OCA2: variants seen among roughly 807,000 people sequenced by gnomAD.
OCA2 encodes P protein.
OCA2 carries 77 observed loss-of-function variants against 100.2 expected under a neutral mutation model. That is an observed-to-expected ratio of 0.77 (90% confidence interval 0.64 to 0.93). OCA2 has a LOEUF of 0.93. Ranked by LOEUF, OCA2 falls within the 40% of genes least tolerant of loss-of-function variation. The pLI, the probability that OCA2 is intolerant of heterozygous loss-of-function variation, is 0.00. For missense variants in OCA2, 1,062 were observed against 1,089.1 expected (o/e 0.98, Z 0.35); for synonymous variants, 432 against 439.2 (o/e 0.98, Z 0.21).
At chr15:28,045,859 G>A (rs1000687435) in intron 2 of OCA2, among the ~76,000 whole-genome samples, 4 of 152,164 alleles carry the variant, frequency 2.6e-5, no homozygotes, top group Non-Finnish European at 4.4e-5. Context: ...TCACTCTTAA[G>A]ACACCTAAAA....
chr15:27,832,905 C>T (rs1320453146), intron 23 of OCA2, among the ~76,000 whole-genome samples: 1 of 145,068 alleles, frequency 6.9e-6, no homozygotes, highest in Non-Finnish European at 1.5e-5. Context: ...CTCTGTTTCC[C>T]GGGTTCAAGT....
At chr15:28,090,518 C>G (rs1282062762) in intron 1 of OCA2, among the ~76,000 whole-genome samples, 1 of 151,986 alleles carries the variant, frequency 6.6e-6, no homozygotes, top group Non-Finnish European at 1.5e-5. Flanking sequence ...ACAATGCAAT[C>G]GAATCAGAAA....
At chr15:27,812,827 A>G (rs1020693290) in intron 23 of OCA2, among the ~76,000 whole-genome samples, 3 of 152,132 alleles carry the variant, frequency 2.0e-5, no homozygotes, top group African/African-American at 7.2e-5. Flanking sequence ...TGTTTCATTG[A>G]CTAGAAGTAA....
intron 23 of OCA2, among the ~76,000 whole-genome samples, chr15:27,834,251 A>G (rs1196506184): frequency 6.6e-6 from 1 of 152,192 alleles, no homozygotes; most frequent in African/African-American, 2.4e-5. Context: ...CAAACCCCCT[A>G]AGCAGTGGAG....
chr15:28,018,301 T>C, intron 7 of OCA2, 96 bp downstream of exon 7: 1 of 1,200,658 alleles, frequency 8.3e-7, no homozygotes, highest in Non-Finnish European at 1.2e-6. Context: ...TGTCCTCGCC[T>C]GTGGCTCCCC....
At chr15:28,055,057 A>C (rs1020638771) in intron 2 of OCA2, among the ~76,000 whole-genome samples, 7 of 152,318 alleles carry the variant, frequency 4.6e-5, no homozygotes, top group African/African-American at 9.6e-5. Flanking sequence ...TTACAATTCA[A>C]GGTGAGATTT....
intron 23 of OCA2, among the ~76,000 whole-genome samples, chr15:27,758,532 G>C (rs368047313): frequency 6.6e-6 from 1 of 152,148 alleles, no homozygotes; most frequent in Non-Finnish European, 1.5e-5. Flanking sequence ...TACAGATGTC[G>C]AAATTATCTG....
chr15:28,022,610 G>A, intron 5 of OCA2, 37 bp from the exon 6 acceptor site: 2 of 1,462,854 alleles, frequency 1.4e-6, no homozygotes, highest in Non-Finnish European at 1.9e-6. Flanking sequence ...CAGAGGTGTG[G>A]TATGAGAGCA....
the OCA2 span, among the ~76,000 whole-genome samples, chr15:27,728,141 AGGG>A: frequency 6.6e-6 from 1 of 152,218 alleles, no homozygotes; most frequent in Non-Finnish European, 1.5e-5. Context: ...AAATCAGGCA[AGGG>A]TAGGACTCTG....
At chr15:28,015,982 T>C (rs987417792) in intron 8 of OCA2, 122 bp downstream of exon 8, 3 of 769,284 alleles carry the variant, frequency 3.9e-6, no homozygotes, top group Non-Finnish European at 7.0e-6. Context: ...ATGAGTGCCG[T>C]GTCCAAGTCA....
At chr15:27,720,722 G>A in the OCA2 span, among the ~76,000 whole-genome samples, 1 of 152,076 alleles carries the variant, frequency 6.6e-6, no homozygotes, top group Non-Finnish European at 1.5e-5. Flanking sequence ...CTATCTTGAC[G>A]ATGGTGACAT....
At chr15:28,069,537 C>T (rs1238892494) in intron 2 of OCA2, among the ~76,000 whole-genome samples, 3 of 137,960 alleles carry the variant, frequency 2.2e-5, no homozygotes, top group African/African-American at 5.9e-5. Context: ...CTCAGTCTGC[C>T]GAATGCCTGC....
At chr15:28,002,552 GGGA>G (rs1243886457) in intron 9 of OCA2, among the ~76,000 whole-genome samples, 2 of 152,178 alleles carry the variant, frequency 1.3e-5, no homozygotes, top group Non-Finnish European at 2.9e-5. Flanking sequence ...AAAGCTTTTG[GGGA>G]GGAGATTGTG....
intron 2 of OCA2, among the ~76,000 whole-genome samples, chr15:28,041,504 A>G (rs568826789): frequency 8.9e-4 from 135 of 152,356 alleles, no homozygotes; most frequent in African/African-American, 3.2e-3. Flanking sequence ...TACTCAATGC[A>G]GTATTGGAAG....
rs148914698 is a variant in OCA2, at chr15:28,027,598, G to T, written c.515+273C>A. Among the ~76,000 whole-genome samples the T allele has an allele frequency of 3.6e-3, 552 of 152,316 alleles. 1 individual carries two copies. Among genetic ancestry groups the T allele is most frequent in the African/African-American group, 0.013 (523 of 41,580 alleles). On this transcript the variant is annotated intron_variant, in intron 4 of 23. Transcript: ENST00000354638. ...TCCTATCTGCAAACCTAATGGCCATGAAGACCCCAGCCACACAAGCAGGAA... is the reference window on the plus strand; with the variant it reads ...TCCTATCTGCAAACCTAATGGCCATTAAGACCCCAGCCACACAAGCAGGAA...
Position 27,894,547 on chromosome 15 carries a change from G to C in OCA2, c.2080-22625C>G, listed in dbSNP as rs980672733. The stretch of plus-strand genomic sequence containing the variant: ...CTAAGCTAAACCTGGTGACCTTTTC[G>C]AAGGAAAGAAAAGAGTGAGGAGACA... On this transcript the variant is annotated intron_variant, in intron 19 of 23. Coordinates refer to ENST00000354638, the MANE Select transcript of OCA2 (RefSeq NM_000275.3). Among the ~76,000 whole-genome samples the C allele has an allele frequency of 5.3e-5, 8 of 152,134 alleles. No homozygotes were observed. In the East Asian group the frequency reaches 1.3e-3, roughly 26 times the overall value.
intron 23 of OCA2, among the ~76,000 whole-genome samples, chr15:27,770,862 CTTCCT>C (rs1566949127): frequency 2.1e-4 from 22 of 107,202 alleles, no homozygotes; most frequent in African/African-American, 6.8e-4. Flanking sequence ...TCCTTTCTTC[CTTCCT>C]TCCCTCCTTC....
chr15:27,784,793 T>C (rs932767291), intron 23 of OCA2, among the ~76,000 whole-genome samples: 1 of 150,884 alleles, frequency 6.6e-6, no homozygotes, highest in African/African-American at 2.4e-5. Context: ...AACTGAAACA[T>C]GAACAGAAAA....
intron 18 of OCA2, among the ~76,000 whole-genome samples, chr15:27,927,066 G>T (rs2140379408): frequency 6.6e-6 from 1 of 152,320 alleles, no homozygotes; most frequent in South Asian, 2.1e-4. Flanking sequence ...CAGGCAGGCA[G>T]ATCACCTGAG....
Sources: allele counts gnomAD v4.1 joint callset (sites outside exome capture counted in the v4.1 genomes callset), GRCh38; gene constraint gnomAD v4.1.1; transcripts MANE v1.5; gene names NCBI Gene and HGNC (gene_info 2026-07-23, HGNC 2026-07-21).